The following HIVEP3 variants were observed in gnomAD, a reference collection of about 807,000 sequenced individuals.
HIVEP3 encodes HIVEP zinc finger 3.
HIVEP3 carries 49 observed loss-of-function variants against 152.8 expected under a neutral mutation model. That is an observed-to-expected ratio of 0.32 (90% confidence interval 0.26 to 0.41). HIVEP3 has a LOEUF of 0.41. Among genes scored for constraint, HIVEP3 ranks in the 10% least tolerant of loss-of-function variants. The pLI, the probability that HIVEP3 is intolerant of heterozygous loss-of-function variation, is 1.00. For synonymous variants in HIVEP3, 1,269 were observed against 1,289.0 expected (o/e 0.98, Z 0.33); for missense variants, 2,790 against 3,103.3 (o/e 0.90, Z 2.40).
intron 1 of HIVEP3, among the ~76,000 whole-genome samples, chr1:41,880,246 G>A (rs1020751104): frequency 6.6e-6 from 1 of 151,990 alleles, no homozygotes; most frequent in Non-Finnish European, 1.5e-5. Flanking sequence ...TCCCTATGTT[G>A]CCCAGGCTGG....
intron 1 of HIVEP3, among the ~76,000 whole-genome samples, chr1:41,911,401 G>A (rs1481869350): frequency 6.6e-6 from 1 of 152,182 alleles, no homozygotes; most frequent in Non-Finnish European, 1.5e-5. Flanking sequence ...AGGAGAAATT[G>A]CAGCTGGATA....
At position 41,811,510 on chromosome 1, in the gene HIVEP3, T is replaced by C. The variant is rs1650957585; in HGVS notation, c.-801+106903A>G. Among the ~76,000 whole-genome samples, 3 of 152,070 alleles carry C rather than the reference T, an allele frequency of 2.0e-5. No individual in the cohort carries two copies. The South Asian group carries it at 6.2e-4, about 32-fold the overall frequency. On this transcript the variant is annotated intron_variant, in intron 1 of 8. Transcript: ENST00000372583. ...CATTTTATATGCATTAATTATCAGTTACATTTGCTGTTAGGCAAATGCTAC... is the reference window on the plus strand; with the variant it reads ...CATTTTATATGCATTAATTATCAGTCACATTTGCTGTTAGGCAAATGCTAC...
intron 5 of HIVEP3, among the ~76,000 whole-genome samples, chr1:41,555,603 C>T (rs1453611779): frequency 6.6e-6 from 1 of 152,238 alleles, no homozygotes; most frequent in Non-Finnish European, 1.5e-5. Flanking sequence ...CTGCAGACCA[C>T]AGCTGTTCCT....
intron 1 of HIVEP3, among the ~76,000 whole-genome samples, chr1:41,906,569 C>T (rs1557508199): frequency 6.6e-6 from 1 of 152,128 alleles, no homozygotes; most frequent in Non-Finnish European, 1.5e-5. Context: ...CATGAAGAAA[C>T]TTTACGGGAT....
At chr1:42,019,687 C>G (rs764171308) in intron 1 of HIVEP3, among the ~76,000 whole-genome samples, 8 of 151,866 alleles carry the variant, frequency 5.3e-5, no homozygotes, top group Non-Finnish European at 1.0e-4. Context: ...TTGATAATGA[C>G]AGTTTTATTT....
chr1:41,864,340 T>A (rs1643930438), intron 1 of HIVEP3, among the ~76,000 whole-genome samples: 1 of 152,176 alleles, frequency 6.6e-6, no homozygotes, highest in Non-Finnish European at 1.5e-5. Context: ...CTCCCCATCC[T>A]ATGTCTTATG....
intron 1 of HIVEP3, among the ~76,000 whole-genome samples, chr1:41,836,307 GAGA>G (rs1224852856): frequency 1.3e-5 from 2 of 152,204 alleles, no homozygotes; most frequent in Non-Finnish European, 1.5e-5. Context: ...GACCCAGAGA[GAGA>G]AGAACAAGGG....
intron 1 of HIVEP3, among the ~76,000 whole-genome samples, chr1:41,833,043 G>A (rs534144785): frequency 3.5e-4 from 53 of 152,314 alleles, no homozygotes; most frequent in Non-Finnish European, 6.3e-4. Context: ...GCAAGTAGAA[G>A]CTCTTCATTT....
At chr1:41,785,969 G>C (rs915658855) in intron 1 of HIVEP3, among the ~76,000 whole-genome samples, 1 of 152,218 alleles carries the variant, frequency 6.6e-6, no homozygotes, top group Non-Finnish European at 1.5e-5. Flanking sequence ...TTGCACTCCA[G>C]CCTGGGCAAC....
At chr1:41,792,439 C>T (rs7511901) in intron 1 of HIVEP3, among the ~76,000 whole-genome samples, 5,110 of 152,316 alleles carry the variant, frequency 0.034, 285 homozygotes, top group African/African-American at 0.12. Flanking sequence ...TGACTTCCTC[C>T]AGCCGTGGTG....
rs1218817876 is a variant in HIVEP3, at chr1:41,684,404, A to T, written c.-721+16512T>A. Among the ~76,000 whole-genome samples, 3 of 152,190 alleles carry T rather than the reference A, an allele frequency of 2.0e-5. 1 individual carries two copies. Among genetic ancestry groups the T allele is most frequent in the Non-Finnish European group, 4.4e-5 (3 of 68,014 alleles). On this transcript the variant is annotated intron_variant, in intron 2 of 8. Coordinates refer to ENST00000372583, the MANE Select transcript of HIVEP3 (RefSeq NM_024503.5). ...GACCATTTCCTCCAAGGCCAAGCTC[A>T]CATGGCCTCTCCAGGGTCTCCAGCG...
intron 1 of HIVEP3, among the ~76,000 whole-genome samples, chr1:42,031,949 C>A (rs1258731447): frequency 6.6e-6 from 1 of 152,118 alleles, no homozygotes; most frequent in African/African-American, 2.4e-5. Context: ...ATGTGGTAAT[C>A]AAAATATTGT....
At chr1:41,697,603 A>T (rs999250235) in intron 2 of HIVEP3, among the ~76,000 whole-genome samples, 6 of 152,110 alleles carry the variant, frequency 3.9e-5, no homozygotes, top group Admixed American at 1.3e-4. Flanking sequence ...GGTGAGGGAG[A>T]GCGAGTTGGC....
intron 1 of HIVEP3, among the ~76,000 whole-genome samples, chr1:41,869,800 A>G (rs950257300): frequency 1.3e-5 from 2 of 152,226 alleles, no homozygotes; most frequent in African/African-American, 4.8e-5. Flanking sequence ...GTTTTTTAAT[A>G]TCAATTATAA....
chr1:41,880,037 A>C (rs1464641334), intron 1 of HIVEP3, among the ~76,000 whole-genome samples: 3 of 152,166 alleles, frequency 2.0e-5, no homozygotes, highest in Non-Finnish European at 4.4e-5. Context: ...CAAAGAGGCT[A>C]ATTAGCTTGC....
chr1:41,635,076 G>C (rs557322104), intron 2 of HIVEP3, among the ~76,000 whole-genome samples: 3 of 152,222 alleles, frequency 2.0e-5, no homozygotes, highest in African/African-American at 7.2e-5. Context: ...CAAAATGCAC[G>C]AATTGTACGG....
chr1:41,676,137 C>T (rs1033217849), intron 2 of HIVEP3, among the ~76,000 whole-genome samples: 5 of 152,060 alleles, frequency 3.3e-5, no homozygotes, highest in African/African-American at 9.7e-5. Context: ...CTGCAACCTC[C>T]GCCTCCCAGG....
At chr1:41,530,523 C>T (rs916086746) in intron 5 of HIVEP3, among the ~76,000 whole-genome samples, 1 of 152,332 alleles carries the variant, frequency 6.6e-6, no homozygotes, top group Non-Finnish European at 1.5e-5. Flanking sequence ...AGAGTGAGGA[C>T]AGCTTGGTCT....
chr1:41,781,615 C>T (rs1204962636), intron 1 of HIVEP3, among the ~76,000 whole-genome samples: 1 of 152,200 alleles, frequency 6.6e-6, no homozygotes, highest in Non-Finnish European at 1.5e-5. Context: ...AGGAGCTCTT[C>T]TGCCTTCTAA....
Sources: gnomAD v4.1 joint callset for allele counts (sites outside exome capture counted in the v4.1 genomes callset) on GRCh38, gnomAD v4.1.1 for gene constraint, MANE v1.5 for transcripts, NCBI Gene and HGNC (gene_info 2026-07-23, HGNC 2026-07-21) for gene names.